The following ATXN2L variants were observed in gnomAD, a reference collection of about 807,000 sequenced individuals.
ATXN2L encodes ataxin 2 like.
In ATXN2L, 24 loss-of-function variants were observed where a neutral mutation model predicts 120.7. The observed-to-expected ratio is 0.20, with a 90% confidence interval of 0.14 to 0.28. The LOEUF (loss-of-function observed/expected upper bound fraction) is 0.28. ATXN2L is among the 10% of genes least tolerant of loss of function. The pLI is 1.00. For synonymous variants in ATXN2L, 653 were observed against 568.1 expected (o/e 1.15, Z -2.13); for missense variants, 1,312 against 1,432.3 (o/e 0.92, Z 1.36).
At chr16:28,830,198 C>T (rs2053817730) in intron 8 of ATXN2L, 140 bp downstream of exon 8, 2 of 814,094 alleles carry the variant, frequency 2.5e-6, no homozygotes, top group East Asian at 5.9e-5. Flanking sequence ...TGAGGTAAAG[C>T]GAGATTATGT....
chr16:28,826,574 T>C, intron 5 of ATXN2L, 184 bp downstream of exon 5: 1 of 672,720 alleles, frequency 1.5e-6, no homozygotes, highest in Non-Finnish European at 2.4e-6. Flanking sequence ...AAATATGTCT[T>C]GATGTCTAAT....
chr16:28,826,538 C>T (rs1282884242), intron 5 of ATXN2L, 148 bp downstream of exon 5: 25 of 872,364 alleles, frequency 2.9e-5, no homozygotes, highest in Admixed American at 2.3e-4. Context: ...TTTTCCTGAG[C>T]GAAGTGGGTG....
In ATXN2L at chr16:28,837,010, C is replaced by A; in HGVS notation, c.*745C>A. ...CCTGCCCGTCCCCACCCAGTCTTGC[C>A]CTCCCATCCTCTCATCTATTCCCCC... On this transcript the variant is annotated 3_prime_UTR_variant, in exon 22 of 22. Coordinates refer to ENST00000336783, the MANE Select transcript of ATXN2L (RefSeq NM_007245.4). The A allele has an allele frequency of 1.5e-6, 1 of 666,402 alleles. No individual in the cohort carries two copies. Among genetic ancestry groups the A allele is most frequent in the Non-Finnish European group, 2.7e-6 (1 of 365,278 alleles). 41.3% of individuals were successfully genotyped at this position (666,402 alleles called of 1,614,324 possible).
rs1368168382 is a variant in ATXN2L at position 28,830,819 on chromosome 16, G to A, written c.1210+29G>A. 9 of 1,567,602 alleles carry A rather than the reference G, an allele frequency of 5.7e-6. No homozygotes were observed. The African/African-American group carries it at 8.2e-5, about 14-fold the overall frequency. Reference sequence around the variant, plus strand: ...AGTTATGAGGTGACTTTGAGGAAGAGGGCAGGGAAGGGGATGCCAAGGAGG... The same window carrying A: ...AGTTATGAGGTGACTTTGAGGAAGAAGGCAGGGAAGGGGATGCCAAGGAGG... On this transcript the variant is annotated intron_variant, in intron 9 of 21. Transcript: ENST00000336783.
At chr16:28,826,523 C>CTT (rs368900223) in intron 5 of ATXN2L, 133 bp downstream of exon 5, 1 of 1,021,308 alleles carries the variant, frequency 9.8e-7, no homozygotes, top group Non-Finnish European at 1.4e-6. Context: ...GCTTTAATGC[C>CTT]TTTTTTTTCC....
intron 2 of ATXN2L, 97 bp from the exon 3 acceptor site, chr16:28,825,527 A>G (rs951354770): frequency 5.7e-5 from 87 of 1,535,930 alleles, no homozygotes; most frequent in Non-Finnish European, 7.2e-5. Context: ...CCCGGCACAC[A>G]CAAGGCAGAA....
At chr16:28,829,262 C>G in intron 6 of ATXN2L, 139 bp from the exon 7 acceptor site, 2 of 648,062 alleles carry the variant, frequency 3.1e-6, no homozygotes, top group Non-Finnish European at 5.6e-6. Flanking sequence ...CTCAGCTTCC[C>G]AAAGTACTGG....
chr16:28,830,773 C>T lies in ATXN2L; in HGVS notation c.1193C>T (p.Ala398Val). ...DNSSPGPGSE[A>V]RGINGGPSRM... ...AGCAGCCCTGGCCCAGGTTCTGAGG[C>T]CCGTGGTATCAATGGAGGTGAGTTA... The change falls in exon 9 of 22, where the codon GCC becomes GTC. Residue 398 changes from alanine (A) to valine (V), a missense_variant. Transcript: ENST00000336783. 6.2e-7 allele frequency: 1 copy of T among 1,602,534 alleles called. No individual in the cohort carries two copies. The highest frequency in any genetic ancestry group is 1.1e-5 in the South Asian group (1 of 89,842).
chr16:28,830,159 G>A, intron 8 of ATXN2L, 101 bp downstream of exon 8: 1 of 1,210,934 alleles, frequency 8.3e-7, no homozygotes, highest in Non-Finnish European at 1.1e-6. Context: ...TTGTGACCAT[G>A]TAAAATGTCA....
chr16:28,835,580 G>C lies in ATXN2L; in HGVS notation c.2717G>C (p.Ser906Thr), dbSNP rs780058096. ...GCGGGGCAGGCCCCACACTTGGGCA[G>C]TGGACAGCCACAGCAGAATCTGTAC... The part of the protein sequence containing the change: ...HQAGQAPHLG[S>T]GQPQQNLYHP... The change falls in exon 21 of 22, where the codon AGT becomes ACT. Residue 906 changes from serine to threonine, a missense_variant. Physicochemically the swap from Ser to Thr is moderately conservative, Grantham distance 58. Transcript: ENST00000336783. 6.2e-7 allele frequency: 1 copy of C among 1,613,900 alleles called. No homozygotes were observed. The highest frequency in any genetic ancestry group is 8.5e-7 in the Non-Finnish European group (1 of 1,179,952).
intron 4 of ATXN2L, 136 bp downstream of exon 4, chr16:28,825,977 G>A (rs929086413): frequency 1.1e-6 from 1 of 951,842 alleles, no homozygotes; most frequent in African/African-American, 1.7e-5. Flanking sequence ...GAATAGTGCT[G>A]CAGGGAAAAA....
Position 28,836,307 on chromosome 16 carries a change from C to G in ATXN2L, c.*42C>G. 6.2e-7 allele frequency: 1 copy of G among 1,611,210 alleles called. No individual in the cohort carries two copies. Among genetic ancestry groups the G allele is most frequent in the Non-Finnish European group, 8.5e-7 (1 of 1,178,574 alleles). ...GGCTGTCCCACAGGGCGCCCGCCGACCTGCACCTGTCTGTGAAGTATGTAG... is the reference window on the plus strand; with the variant it reads ...GGCTGTCCCACAGGGCGCCCGCCGAGCTGCACCTGTCTGTGAAGTATGTAG... On this transcript the variant is annotated 3_prime_UTR_variant, in exon 22 of 22. Transcript: ENST00000336783.
At chr16:28,825,452 A>G (rs373220102) in intron 2 of ATXN2L, 50 bp downstream of exon 2, 83 of 1,598,012 alleles carry the variant, frequency 5.2e-5, no homozygotes, top group Non-Finnish European at 6.7e-5. Context: ...TAAAAGATGC[A>G]TAATGTGGGA....
At chr16:28,835,903 T>G in intron 21 of ATXN2L, 30 bp from the exon 22 acceptor site, 1 of 1,551,264 alleles carries the variant, frequency 6.4e-7, no homozygotes. Flanking sequence ...GATTCTGTGG[T>G]CTTCCCGGCT....
At chr16:28,824,359 TGG>T in intron 1 of ATXN2L, 3 of 1,224,720 alleles carry the variant, frequency 2.4e-6, no homozygotes, top group Non-Finnish European at 3.1e-6. Flanking sequence ...TCGCTGGAGG[TGG>T]GGGTTCGGAA....
chr16:28,830,001 A>G lies in ATXN2L; in HGVS notation c.977A>G (p.Lys326Arg). 6.2e-7 allele frequency: 1 copy of G among 1,614,204 alleles called. No homozygotes were observed. The highest frequency in any genetic ancestry group is 8.5e-7 in the Non-Finnish European group (1 of 1,180,034). ...ENDDGRTEEE[K>R]HSAVQRQGSG... Reference sequence around the variant, plus strand: ...GACGATGGGCGCACTGAAGAGGAGAAGCACAGTGCAGTCCAGCGGCAGGGC... The same window carrying G: ...GACGATGGGCGCACTGAAGAGGAGAGGCACAGTGCAGTCCAGCGGCAGGGC... The change falls in exon 8 of 22, where the codon AAG (lysine) becomes AGG (arginine). Residue 326 changes from lysine (K) to arginine (R), a missense_variant. Coordinates refer to ENST00000336783, the MANE Select transcript of ATXN2L (RefSeq NM_007245.4).
At chr16:28,825,589 A>T (rs761248663) in intron 2 of ATXN2L, 35 bp from the exon 3 acceptor site, 126 of 1,602,038 alleles carry the variant, frequency 7.9e-5, no homozygotes, top group Non-Finnish European at 9.9e-5. Context: ...TTGACTGATT[A>T]CTCCTTTAAT....
chr16:28,832,920 G>T, intron 13 of ATXN2L, 33 bp downstream of exon 13: 2 of 1,612,096 alleles, frequency 1.2e-6, no homozygotes, highest in Admixed American at 1.7e-5. Flanking sequence ...TATTAGCAGG[G>T]TAAAGGGGTT....
intron 15 of ATXN2L, 91 bp downstream of exon 15, chr16:28,833,599 C>T: frequency 1.5e-6 from 2 of 1,302,280 alleles, no homozygotes; most frequent in South Asian, 1.2e-5. Flanking sequence ...CACTTCACTT[C>T]CAGGACCACT....
Sources: allele counts gnomAD v4.1 joint callset, GRCh38; gene constraint gnomAD v4.1.1; transcripts MANE v1.5; gene names NCBI Gene and HGNC (gene_info 2026-07-23, HGNC 2026-07-21).